The following SH3D19 variants were observed in gnomAD, a reference collection of about 807,000 sequenced individuals.
SH3D19 encodes the protein SH3 domain-containing protein 19.
A neutral mutation model predicts 112.1 loss-of-function variants in SH3D19; 58 were observed. The ratio of observed to expected loss-of-function variants is 0.52; its 90% CI spans 0.42 to 0.64. The LOEUF is 0.64. Ranked by LOEUF, SH3D19 falls within the 30% of genes least tolerant of loss-of-function variation. SH3D19 has a pLI of 0.00. For missense variants in SH3D19, 1,090 were observed against 1,263.4 expected, an observed-to-expected ratio of 0.86 and a Z score of 2.08; for synonymous variants, 391 against 448.5, an observed-to-expected ratio of 0.87 and a Z score of 1.62.
chr4:151,187,348 T>C, intron 3 of SH3D19, 75 bp downstream of exon 3: 1 of 908,184 alleles, frequency 1.1e-6, no homozygotes, highest in Non-Finnish European at 1.4e-6. Context: ...TCAAATACAA[T>C]CACCTGCTGG....
chr4:151,237,214 C>T (rs10020297), intron 1 of SH3D19, among the ~76,000 whole-genome samples: 111,309 of 152,152 alleles, frequency 0.73, 43,961 homozygotes, highest in Non-Finnish European at 0.89. Flanking sequence ...ACACTCACCG[C>T]GAGGGTCTGT....
Position 151,175,400 on chromosome 4 carries a change from C to T in SH3D19, c.804G>A (p.Leu268=), listed in dbSNP as rs751387401. 4.6e-5 allele frequency: 72 copies of T among 1,561,230 alleles called. No homozygotes were observed. The highest frequency in any genetic ancestry group is 6.1e-5 in the Non-Finnish European group (70 of 1,155,388). ...EESSPGRPQS[L]LDNASTSDSQ... ...TGTCTGAGGTGCTAGCGTTGTCCAG[C>T]AGAGACTGGGGCCGGCCTGGGGATG... Residue 268 remains leucine (L), a synonymous_variant, in exon 7 of 20, where the codon CTG becomes CTA. Transcript: ENST00000604030.
Position 151,148,079 on chromosome 4 carries a change from A to T in SH3D19, c.1925T>A (p.Leu642Gln). 6.2e-7 allele frequency: 1 copy of T among 1,614,126 alleles called. No homozygotes were observed. The highest frequency in any genetic ancestry group is 1.1e-5 in the South Asian group (1 of 91,078). The change falls in exon 11 of 20, where the codon CTG becomes CAG. Residue 642 changes from leucine (L) to glutamine (Q), a missense_variant. Coordinates refer to ENST00000604030, the MANE Select transcript of SH3D19 (RefSeq NM_001378122.1). ...GTCAGAAGAGGATCGATTAAAAGGC[A>T]GTTTCTTATTAGATCTTCTGGTTGC... ...LSATRRSNKK[L>Q]PFNRSSSDMD...
At chr4:151,143,720 A>C (rs542384459) in intron 12 of SH3D19, among the ~76,000 whole-genome samples, 190 bp downstream of exon 12, 17 of 152,156 alleles carry the variant, frequency 1.1e-4, no homozygotes, top group Non-Finnish European at 1.9e-4. Context: ...TCTGTATCGA[A>C]GTGATTAGTA....
Position 151,147,956 on chromosome 4 carries a change from G to A in SH3D19, c.2048C>T (p.Pro683Leu), listed in dbSNP as rs1229593159. The change falls in exon 11 of 20, where the codon CCC becomes CTC. Residue 683 changes from proline to leucine, a missense_variant. By Grantham distance (98) the Pro-to-Leu change is moderately conservative. Transcript: ENST00000604030. The stretch of plus-strand genomic sequence containing the variant: ...ACTGTAGAGAGGGTGTCCTGGTTTG[G>A]GACGAGGGGGTAGCACCGGATCTTG... ...KNQDPVLPPR[P>L]KPGHPLYSKY... The A allele has an allele frequency of 6.2e-7, 1 of 1,613,614 alleles. No homozygotes were observed.
chr4:151,297,401 AATT>A (rs2126310086), intron 1 of SH3D19, among the ~76,000 whole-genome samples: 1 of 152,330 alleles, frequency 6.6e-6, no homozygotes. Context: ...CTTGTGCTAT[AATT>A]ATCTCTGAAC....
intron 2 of SH3D19, among the ~76,000 whole-genome samples, chr4:151,220,394 A>T (rs533857539): frequency 5.0e-4 from 76 of 152,214 alleles, no homozygotes; most frequent in South Asian, 1.0e-3. Context: ...TGAGAAATAG[A>T]TTTAAGGTTC....
chr4:151,243,838 A>G lies in SH3D19; in HGVS notation c.113-17752T>C, dbSNP rs970636339. Among the ~76,000 whole-genome samples, 9 of 152,264 alleles carry G rather than the reference A, an allele frequency of 5.9e-5. No homozygotes were observed. The East Asian group carries it at 9.6e-4, about 16-fold the overall frequency. On this transcript the variant is annotated intron_variant, in intron 1 of 19. Transcript: ENST00000604030. ...AAGCTCAGAGAAGACTGAGTACTGCAGTTTGAGAATTGCTGCTAAAAAGGA... is the reference window on the plus strand; with the variant it reads ...AAGCTCAGAGAAGACTGAGTACTGCGGTTTGAGAATTGCTGCTAAAAAGGA...
chr4:151,266,905 G>A (rs753261733), intron 1 of SH3D19, among the ~76,000 whole-genome samples: 65 of 152,022 alleles, frequency 4.3e-4, no homozygotes, highest in Non-Finnish European at 7.2e-4. Flanking sequence ...ATTTAGCCCC[G>A]TTTACAAATG....
chr4:151,173,446 T>C (rs1759406855), intron 7 of SH3D19, among the ~76,000 whole-genome samples: 1 of 152,232 alleles, frequency 6.6e-6, no homozygotes, highest in Non-Finnish European at 1.5e-5. Context: ...AAGTGATCCA[T>C]AGATCTCTCT....
intron 1 of SH3D19, among the ~76,000 whole-genome samples, chr4:151,277,909 C>T (rs984581978): frequency 6.4e-4 from 98 of 152,094 alleles, no homozygotes; most frequent in African/African-American, 2.2e-3. Flanking sequence ...GGCGTGGTGG[C>T]GGGCACCTGT....
chr4:151,292,682 C>A (rs1017843556), intron 1 of SH3D19, among the ~76,000 whole-genome samples: 5 of 152,180 alleles, frequency 3.3e-5, no homozygotes, highest in African/African-American at 1.2e-4. Context: ...TGGTATAATT[C>A]CATTCATACT....
chr4:151,154,663 G>T (rs1755743747), intron 9 of SH3D19, among the ~76,000 whole-genome samples: 1 of 151,880 alleles, frequency 6.6e-6, no homozygotes, highest in South Asian at 2.1e-4. Flanking sequence ...TGCAACCTCT[G>T]CCTCCCGGGT....
At chr4:151,183,790 A>T (rs79051589) in intron 3 of SH3D19, among the ~76,000 whole-genome samples, 2,926 of 152,356 alleles carry the variant, frequency 0.019, 38 homozygotes, top group Non-Finnish European at 0.028. Context: ...GACAGGGTAT[A>T]AGAGTTAGAT....
chr4:151,291,213 T>C, intron 1 of SH3D19: 1 of 1,613,600 alleles, frequency 6.2e-7, no homozygotes, highest in Non-Finnish European at 8.5e-7. Context: ...AATCTCTTCC[T>C]GGAGTCTACA....
intron 10 of SH3D19, 24 bp from the exon 11 acceptor site, chr4:151,148,210 G>T: frequency 6.4e-7 from 1 of 1,569,746 alleles, no homozygotes; most frequent in South Asian, 1.2e-5. Context: ...TAGTAGCCAT[G>T]AGTCAGTGTT....
chr4:151,198,943 G>A (rs2149880711), intron 2 of SH3D19, among the ~76,000 whole-genome samples: 1 of 151,272 alleles, frequency 6.6e-6, no homozygotes, highest in South Asian at 2.1e-4. Flanking sequence ...GGGTAGGCAC[G>A]AAACCTTTAC....
chr4:151,300,261 T>TTA (rs1728255919), intron 1 of SH3D19, among the ~76,000 whole-genome samples: 1 of 152,106 alleles, frequency 6.6e-6, no homozygotes, highest in Non-Finnish European at 1.5e-5. Context: ...AACAACCTAT[T>TTA]GAGCAGCAGG....
At chr4:151,246,089 T>G (rs1302925654) in intron 1 of SH3D19, among the ~76,000 whole-genome samples, 1 of 151,668 alleles carries the variant, frequency 6.6e-6, no homozygotes, top group Admixed American at 6.6e-5. Context: ...CTGGTGGCAT[T>G]TGTTCTGGTA....
Sources: gnomAD v4.1 joint callset for allele counts (sites outside exome capture counted in the v4.1 genomes callset) on GRCh38, gnomAD v4.1.1 for gene constraint, MANE v1.5 for transcripts, NCBI Gene and HGNC (gene_info 2026-07-23, HGNC 2026-07-21) for gene names.